Variants in TFDP1 observed in about 807,000 individuals in gnomAD.
TFDP1 encodes the protein transcription factor Dp-1.
TFDP1 carries 6 observed loss-of-function variants against 48.0 expected under a neutral mutation model. The ratio of observed to expected loss-of-function variants is 0.13; its 90% confidence interval spans 0.07 to 0.25. TFDP1 has a LOEUF of 0.25. Ranked by LOEUF, TFDP1 falls within the 10% of genes least tolerant of loss-of-function variation. The pLI is 1.00. For missense variants in TFDP1, 335 were observed against 543.0 expected (o/e 0.62, Z 3.81); for synonymous variants, 201 against 211.6 (o/e 0.95, Z 0.44).
chr13:113,638,455 C>T (rs1013580484), intron 11 of TFDP1, among the ~76,000 whole-genome samples: 1 of 151,956 alleles, frequency 6.6e-6, no homozygotes, highest in Admixed American at 6.6e-5. Flanking sequence ...CGTCTGCGGT[C>T]TCGGCGCACG....
chr13:113,630,854 T>C (rs1407414257), intron 4 of TFDP1, among the ~76,000 whole-genome samples: 11 of 131,320 alleles, frequency 8.4e-5, no homozygotes, highest in African/African-American at 3.1e-4. Flanking sequence ...CCCTCAGGTG[T>C]GCTGTGGGGT....
chr13:113,592,173 G>C (rs1405118487), intron 2 of TFDP1, among the ~76,000 whole-genome samples: 1 of 152,070 alleles, frequency 6.6e-6, no homozygotes, highest in Non-Finnish European at 1.5e-5. Flanking sequence ...TGTTTGTTTC[G>C]AGACGGAGTT....
intron 2 of TFDP1, among the ~76,000 whole-genome samples, chr13:113,602,278 C>T (rs1263832092): frequency 2.7e-5 from 4 of 148,144 alleles, no homozygotes; most frequent in South Asian, 2.2e-4. Flanking sequence ...CTGCAGGAGT[C>T]GAGGGAGGAG....
At chr13:113,597,310 C>CTCCA (rs1416353409) in intron 2 of TFDP1, among the ~76,000 whole-genome samples, 4 of 152,346 alleles carry the variant, frequency 2.6e-5, no homozygotes, top group South Asian at 4.1e-4. Flanking sequence ...TGGAGATGGT[C>CTCCA]TCCACCTCCC....
intron 10 of TFDP1, 120 bp from the exon 11 acceptor site, chr13:113,637,698 A>G (rs770341864): frequency 1.3e-6 from 2 of 1,575,240 alleles, no homozygotes; most frequent in Non-Finnish European, 1.7e-6. Flanking sequence ...CAAGCGAAGG[A>G]TATCCGGAAG....
At chr13:113,591,597 A>C (rs900791393) in intron 2 of TFDP1, among the ~76,000 whole-genome samples, 2 of 152,196 alleles carry the variant, frequency 1.3e-5, no homozygotes, top group African/African-American at 4.8e-5. Flanking sequence ...GATGTTAAAA[A>C]CTTTTCACTC....
Position 113,635,285 on chromosome 13 carries a change from G to A in TFDP1, c.687+683G>A, listed in dbSNP as rs1275038697. 3.9e-5 allele frequency among the ~76,000 whole-genome samples: 6 copies of A among 152,214 alleles called. No individual in the cohort carries two copies. In the East Asian group the frequency reaches 9.6e-4, roughly 24 times the overall value. ...GTGCTCGAGCCCTCCCAGAGGGGAC[G>A]GTGTGGCAGCCGTGGTGATGGAGGC... On this transcript the variant is annotated intron_variant, in intron 8 of 11. Coordinates refer to ENST00000375370, the MANE Select transcript of TFDP1 (RefSeq NM_007111.5).
At chr13:113,597,669 T>G (rs2048318914) in intron 2 of TFDP1, among the ~76,000 whole-genome samples, 1 of 151,894 alleles carries the variant, frequency 6.6e-6, no homozygotes, top group Non-Finnish European at 1.5e-5. Context: ...TTCAAAAGAG[T>G]GAACATAAGG....
intron 2 of TFDP1, among the ~76,000 whole-genome samples, chr13:113,595,674 G>T (rs560174727): frequency 1.3e-5 from 2 of 152,328 alleles, no homozygotes; most frequent in South Asian, 4.1e-4. Context: ...TTGCCTGTGC[G>T]CGTGCATGTC....
intron 3 of TFDP1, among the ~76,000 whole-genome samples, chr13:113,615,681 A>C (rs937847740): frequency 6.6e-6 from 1 of 152,252 alleles, no homozygotes; most frequent in East Asian, 1.9e-4. Context: ...CAGTGGGAGG[A>C]TTGCTTGAGG....
intron 3 of TFDP1, among the ~76,000 whole-genome samples, chr13:113,618,908 AC>A: frequency 6.6e-6 from 1 of 152,346 alleles, no homozygotes; most frequent in East Asian, 1.9e-4. Flanking sequence ...TGTGTTTCAG[AC>A]GCACACAAAA....
chr13:113,594,140 G>C (rs1462047582), intron 2 of TFDP1, among the ~76,000 whole-genome samples: 3 of 133,904 alleles, frequency 2.2e-5, no homozygotes, highest in African/African-American at 3.1e-5. Context: ...GATAGGTGTG[G>C]TGTGCGCGGG....
rs527726576 is a variant in TFDP1, at chr13:113,614,396, C to A, written c.79+3334C>A. Among the ~76,000 whole-genome samples the A allele has an allele frequency of 2.0e-5, 3 of 152,292 alleles. No individual in the cohort carries two copies. The South Asian group carries it at 6.2e-4, about 32-fold the overall frequency. The stretch of plus-strand genomic sequence containing the variant: ...GGGTCCTCGGCGCCCTTAGATGGAG[C>A]CGTTGCAGCTGCTTTTTGAGTTGCC... On this transcript the variant is annotated intron_variant, in intron 3 of 11. Transcript: ENST00000375370.
chr13:113,606,788 CA>C (rs2048581517), intron 2 of TFDP1, among the ~76,000 whole-genome samples: 1 of 152,174 alleles, frequency 6.6e-6, no homozygotes, highest in Admixed American at 6.5e-5. Flanking sequence ...GATTTTGACA[CA>C]CATTGTATTA....
chr13:113,592,850 G>T lies in TFDP1; in HGVS notation c.12+7001G>T, dbSNP rs555580704. Among the ~76,000 whole-genome samples, 15 of 151,434 alleles carry T rather than the reference G, an allele frequency of 9.9e-5. No homozygotes were observed. The South Asian group carries it at 3.2e-3, about 32-fold the overall frequency. ...CAGGTGTGGTGTGTGCTGGTCTTCA[G>T]CTGTGCCCAAGAGACAGTTGTGGTG... On this transcript the variant is annotated intron_variant, in intron 2 of 11. Transcript: ENST00000375370.
In TFDP1 at chr13:113,640,201, G is replaced by A. The variant is rs377544697; in HGVS notation, c.1167G>A (p.Pro389=). The change falls in exon 12 of 12, where the codon CCG becomes CCA. Residue 389 remains proline, a synonymous_variant. Coordinates refer to ENST00000375370, the MANE Select transcript of TFDP1 (RefSeq NM_007111.5). ...ACAGCGGCTCCAGGGTGGAGACTCC[G>A]GTGTCCTACGTCGGGGAGGACGACG... The part of the protein sequence containing the change: ...SQYSGSRVET[P]VSYVGEDDEE... The A allele has an allele frequency of 9.3e-6, 15 of 1,613,470 alleles. No homozygotes were observed. The highest frequency in any genetic ancestry group is 8.9e-5 in the East Asian group (4 of 44,796).
At chr13:113,618,335 G>A (rs1026423155) in intron 3 of TFDP1, among the ~76,000 whole-genome samples, 2 of 152,186 alleles carry the variant, frequency 1.3e-5, no homozygotes, top group African/African-American at 2.4e-5. Context: ...CAGTCTGGGT[G>A]ATGTGGCGAA....
rs964969733 is a variant in TFDP1 at position 113,633,882 on chromosome 13, A to C, written c.475-8A>C. 6.9e-6 allele frequency: 11 copies of C among 1,605,044 alleles called. No individual in the cohort carries two copies. In the African/African-American group the frequency reaches 1.3e-4, roughly 20 times the overall value. On this transcript the variant is annotated splice_polypyrimidine_tract_variant and splice_region_variant and intron_variant, in intron 6 of 11. Transcript: ENST00000375370. This position sits in a 1 kb window ranked among gnomAD's most constrained non-coding sequence, Gnocchi z 4.5. ...TCATTTGGAAACTCCACTCCCTGTC[A>C]TCCCCAGGCTTATGACCAGAAAAAC...
At position 113,636,631 on chromosome 13, in the gene TFDP1, A is replaced by T; in HGVS notation, c.937A>T (p.Ser313Cys). 6.2e-7 allele frequency: 1 copy of T among 1,613,410 alleles called. No homozygotes were observed. Among genetic ancestry groups the T allele is most frequent in the Non-Finnish European group, 8.5e-7 (1 of 1,180,014 alleles). The change falls in exon 10 of 12, where the codon AGC (serine) becomes TGC (cysteine). Residue 313 changes from serine (S) to cysteine (C), a missense_variant. Around this residue, in one of 3 missense-constraint regions of TFDP1, gnomAD observed 204 missense variants for 287.1 expected, o/e 0.71. Transcript: ENST00000375370. ...CATGGCTTGCGGGCTGGAGTCGGGG[A>T]GCTGCTCTGCCGAAGACCTTAAAAT... is the stretch of plus-strand genomic sequence containing the variant. ...MGMACGLESG[S>C]CSAEDLKMAR...
Sources: gnomAD v4.1 joint callset for allele counts (sites outside exome capture counted in the v4.1 genomes callset) on GRCh38, gnomAD v4.1.1 for gene constraint, gnomAD v4.1.1 regional missense constraint, Gnocchi (gnomAD v3.1) non-coding constraint, MANE v1.5 for transcripts, NCBI Gene and HGNC (gene_info 2026-07-23, HGNC 2026-07-21) for gene names.